NDUFV1: variants seen among roughly 807,000 people sequenced by gnomAD.
NDUFV1 encodes NADH:ubiquinone oxidoreductase core subunit V1.
Under a neutral mutation model 48.7 loss-of-function variants are expected in NDUFV1, and 41 were observed. That is an observed-to-expected ratio of 0.84 (90% CI 0.66 to 1.09). The LOEUF (loss-of-function observed/expected upper bound fraction) is 1.09. Ranked by LOEUF, NDUFV1 falls within the 50% of genes least tolerant of loss-of-function variation. NDUFV1 has a pLI of 0.00. For missense variants in NDUFV1, 580 were observed against 645.4 expected (o/e 0.90, Z 1.10); for synonymous variants, 231 against 259.1 (o/e 0.89, Z 1.04).
chr11:67,609,590 T>C lies in NDUFV1; in HGVS notation c.465T>C (p.Tyr155=). ...GGRAMGARAA[Y]IYIRGEFYNE... is the part of the protein sequence containing the mutation. ...GGGCCATGGGCGCCCGCGCTGCCTA[T>C]ATCTACATCCGAGGGGAATTCTACA... The change falls in exon 4 of 10, where the codon TAT becomes TAC. Residue 155 remains tyrosine (Y), a synonymous_variant. Transcript: ENST00000322776. 1.2e-6 allele frequency: 2 copies of C among 1,610,596 alleles called. No homozygotes were observed. The highest frequency in any genetic ancestry group is 1.7e-6 in the Non-Finnish European group (2 of 1,179,918).
Position 67,610,174 on chromosome 11 carries a change from C to T in NDUFV1, c.511-207C>T. 5.0e-6 allele frequency: 3 copies of T among 599,060 alleles called. No individual in the cohort carries two copies. The South Asian group carries it at 6.1e-5, about 12-fold the overall frequency. The allele number at this position is 599,060 out of a possible 1,614,324, so 37.1% of individuals were successfully genotyped here. A position where few individuals can be genotyped will look rare whatever the true frequency, so the allele number is the denominator to read the frequency against. Reference sequence around the variant, plus strand: ...CGTTTTTATTTTCCTGGCAGCAAAGCAGCTTACTTATGTGTTCCTTCTTGC... The same window carrying T: ...CGTTTTTATTTTCCTGGCAGCAAAGTAGCTTACTTATGTGTTCCTTCTTGC... On this transcript the variant is annotated intron_variant, in intron 4 of 9. Transcript: ENST00000322776.
intron 3 of NDUFV1, among the ~76,000 whole-genome samples, chr11:67,609,035 T>A (rs1040506300): frequency 3.9e-5 from 6 of 152,194 alleles, no homozygotes; most frequent in South Asian, 2.1e-4. Flanking sequence ...TACAGTGATA[T>A]CATGCAAGGA....
intron 1 of NDUFV1, chr11:67,607,738 G>T: frequency 3.0e-6 from 1 of 334,168 alleles, no homozygotes; most frequent in Non-Finnish European, 5.9e-6. Context: ...TGCAGCTGTG[G>T]GTTTGGCCAC....
intron 3 of NDUFV1, 125 bp downstream of exon 3, chr11:67,608,847 G>C: frequency 7.7e-7 from 1 of 1,294,308 alleles, no homozygotes; most frequent in Non-Finnish European, 1.1e-6. Context: ...CATGTTCCCA[G>C]GCCTTAAATG....
Position 67,612,008 on chromosome 11 carries a change from T to C in NDUFV1, c.1162+30T>C, listed in dbSNP as rs1486626921. ...GCATCGGGCAGGTTGGGGGCTTGCT[T>C]GCTGTGGCTTCATTTAACCTCCTCC... On this transcript the variant is annotated intron_variant, in intron 8 of 9. Transcript: ENST00000322776. The surrounding 1 kb of genome is among the most constrained non-coding windows in gnomAD (Gnocchi z 4.4). 3 of 1,613,672 alleles carry C rather than the reference T, an allele frequency of 1.9e-6. No homozygotes were observed.
chr11:67,607,643 A>G, intron 1 of NDUFV1: 2 of 358,810 alleles, frequency 5.6e-6, no homozygotes, highest in South Asian at 4.1e-5. Context: ...CCCCTGGCCT[A>G]CCCAAGTTTT....
At chr11:67,609,798 C>A in intron 4 of NDUFV1, 163 bp downstream of exon 4, 2 of 763,676 alleles carry the variant, frequency 2.6e-6, no homozygotes, top group Non-Finnish European at 4.2e-6. Context: ...ACTTGGCTCC[C>A]AAAGCCTCCT....
chr11:67,609,818 C>G (rs576353892), intron 4 of NDUFV1, 183 bp downstream of exon 4: 16 of 607,438 alleles, frequency 2.6e-5, no homozygotes, highest in Non-Finnish European at 4.4e-5. Context: ...TTCCAGGGCT[C>G]CTAATGCTGC....
At chr11:67,610,668 T>G (rs1355931377) in intron 5 of NDUFV1, 98 bp downstream of exon 5, 2 of 1,500,712 alleles carry the variant, frequency 1.3e-6, no homozygotes, top group Non-Finnish European at 1.8e-6. Flanking sequence ...CTGAGTGGCT[T>G]CCCGGCTGGG....
At chr11:67,610,648 T>A in intron 5 of NDUFV1, 78 bp downstream of exon 5, 1 of 1,559,234 alleles carries the variant, frequency 6.4e-7, no homozygotes, top group Non-Finnish European at 8.7e-7. Flanking sequence ...TGGATTGTTC[T>A]TAGGGATTTC....
In NDUFV1 at chr11:67,612,477, T is replaced by C. The variant is rs755671503; in HGVS notation, c.*19T>C. 3 of 1,607,742 alleles carry C rather than the reference T, an allele frequency of 1.9e-6. No individual in the cohort carries two copies. The East Asian group carries it at 6.7e-5, about 36-fold the overall frequency. On this transcript the variant is annotated 3_prime_UTR_variant, in exon 10 of 10. Transcript: ENST00000322776. The surrounding 1 kb of genome is among the most constrained non-coding windows in gnomAD (Gnocchi z 4.4). ...CTCTTAGCCCACCACCCTGGCCTGC[T>C]GTCCTGCGTCTATCCATGTGGAATG... is the stretch of plus-strand genomic sequence containing the variant.
At chr11:67,610,725 C>T (rs1854898008) in intron 5 of NDUFV1, 155 bp downstream of exon 5, 1 of 1,072,772 alleles carries the variant, frequency 9.3e-7, no homozygotes, top group East Asian at 2.6e-5. Flanking sequence ...TCCCCCAGGG[C>T]CGCCTGCTGT....
Position 67,611,387 on chromosome 11 carries a change from C to G in NDUFV1, c.914-16C>G, listed in dbSNP as rs778064207. ...CCTGACCATGCATCCCTTTGGGGAC[C>G]GACTTGGGGCCCCAGGGGGTGTCAC... On this transcript the variant is annotated splice_polypyrimidine_tract_variant and intron_variant, in intron 6 of 9. Coordinates refer to ENST00000322776, the MANE Select transcript of NDUFV1 (RefSeq NM_007103.4). The surrounding 1 kb of genome is among the most constrained non-coding windows in gnomAD (Gnocchi z 4.2). 9.1e-5 allele frequency: 147 copies of G among 1,612,160 alleles called. No individual in the cohort carries two copies. The highest frequency in any genetic ancestry group is 1.2e-4 in the Non-Finnish European group (145 of 1,179,616).
In NDUFV1 at chr11:67,611,894, C is replaced by T. The variant is rs1162528044; in HGVS notation, c.1081-3C>T. On this transcript the variant is annotated splice_region_variant and splice_polypyrimidine_tract_variant and intron_variant, in intron 7 of 9. Coordinates refer to ENST00000322776, the MANE Select transcript of NDUFV1 (RefSeq NM_007103.4). This position sits in a 1 kb window ranked among gnomAD's most constrained non-coding sequence, Gnocchi z 4.2. Reference sequence around the variant, plus strand: ...TGCCTGCTAATTGCCCCTCGTCACCCAGACGGACATCGTGAAAGCCATCGC... The same window carrying T: ...TGCCTGCTAATTGCCCCTCGTCACCTAGACGGACATCGTGAAAGCCATCGC... The T allele has an allele frequency of 6.2e-7, 1 of 1,614,044 alleles. No homozygotes were observed. Among genetic ancestry groups the T allele is most frequent in the Admixed American group, 1.7e-5 (1 of 60,014 alleles).
Position 67,612,147 on chromosome 11 carries a change from C to T in NDUFV1, c.1190C>T (p.Ala397Val), listed in dbSNP as rs1426246479. Residue 397 changes from alanine to valine, a missense_variant, in exon 9 of 10, where the codon GCA becomes GTA. Transcript: ENST00000322776. This position sits in a 1 kb window ranked among gnomAD's most constrained non-coding sequence, Gnocchi z 4.4. Reference sequence around the variant, plus strand: ...GTGGACTGGATGAACAAGGTGATGGCACGTTTCGTGAGGGGGGATGCCCGG... The same window carrying T: ...GTGGACTGGATGAACAAGGTGATGGTACGTTTCGTGAGGGGGGATGCCCGG... ...EGVDWMNKVM[A>V]RFVRGDARPA... is the part of the protein sequence containing the mutation. 1.2e-5 allele frequency: 20 copies of T among 1,613,524 alleles called. No individual in the cohort carries two copies. The highest frequency in any genetic ancestry group is 1.6e-5 in the Non-Finnish European group (19 of 1,179,944).
rs1261742795 is a variant in NDUFV1 at position 67,612,248 on chromosome 11, G to A, written c.1291G>A (p.Ala431Thr). The A allele has an allele frequency of 3.1e-6, 5 of 1,613,924 alleles. No individual in the cohort carries two copies. The highest frequency in any genetic ancestry group is 1.7e-5 in the Admixed American group (1 of 60,020). ...GHTICALGDG[A>T]AWPVQGLIRH... ...TACGATTTGTGCTCTGGGTGACGGG[G>A]CCGCCTGGCCTGTGCAGGTATTCAC... is the stretch of plus-strand genomic sequence containing the variant. Residue 431 changes from alanine to threonine, a missense_variant, in exon 9 of 10, where the codon GCC (alanine) becomes ACC (threonine). Coordinates refer to ENST00000322776, the MANE Select transcript of NDUFV1 (RefSeq NM_007103.4). This position sits in a 1 kb window ranked among gnomAD's most constrained non-coding sequence, Gnocchi z 4.4.
At chr11:67,610,146 C>G in intron 4 of NDUFV1, 1 of 571,064 alleles carries the variant, frequency 1.8e-6, no homozygotes, top group Non-Finnish European at 3.1e-6. Flanking sequence ...ATAGTAGCTA[C>G]TTCGTTTTTA....
Position 67,610,588 on chromosome 11 carries a change from C to A in NDUFV1, c.700+18C>A, listed in dbSNP as rs374966665. ...AGACGTGGGTAAGGCCTGGCGTAAC[C>A]CTGGGTCAGACTGTGTCCTGTGACA... On this transcript the variant is annotated intron_variant, in intron 5 of 9. Transcript: ENST00000322776. The A allele has an allele frequency of 2.2e-5, 36 of 1,613,078 alleles. No homozygotes were observed. The African/African-American group carries it at 3.7e-4, about 17-fold the overall frequency.
At position 67,608,769 on chromosome 11, in the gene NDUFV1, G is replaced by A. The variant is rs372575300; in HGVS notation, c.326+47G>A. ...AGATGTGGCTGTGGGAGAGACCTTGGGGGTGGCTGGGGTTTCCCTGGGCCT... is the reference window on the plus strand; with the variant it reads ...AGATGTGGCTGTGGGAGAGACCTTGAGGGTGGCTGGGGTTTCCCTGGGCCT... On this transcript the variant is annotated intron_variant, in intron 3 of 9. Coordinates refer to ENST00000322776, the MANE Select transcript of NDUFV1 (RefSeq NM_007103.4). The A allele has an allele frequency of 2.6e-5, 42 of 1,608,270 alleles. No individual in the cohort carries two copies. In the South Asian group the frequency reaches 4.1e-4, roughly 16 times the overall value.
Sources: allele counts gnomAD v4.1 joint callset (sites outside exome capture counted in the v4.1 genomes callset), GRCh38; gene constraint gnomAD v4.1.1; non-coding constraint Gnocchi (gnomAD v3.1); transcripts MANE v1.5; gene names NCBI Gene and HGNC (gene_info 2026-07-23, HGNC 2026-07-21).